TOPBP1: variants seen among roughly 807,000 people sequenced by gnomAD.
TOPBP1 encodes DNA topoisomerase 2-binding protein 1.
In TOPBP1, 28 loss-of-function variants were observed where a neutral mutation model predicts 167.7. The ratio of observed to expected loss-of-function variants is 0.17; its 90% CI spans 0.12 to 0.23. TOPBP1 has a LOEUF of 0.23. Among genes scored for constraint, TOPBP1 ranks in the 10% least tolerant of loss-of-function variants. The probability of loss-of-function intolerance (pLI) is 1.00; values close to 1 mark genes in which losing one functional copy is unlikely to be tolerated. For missense variants in TOPBP1, 1,554 were observed against 1,809.6 expected (o/e 0.86, Z 2.56); for synonymous variants, 598 against 611.4 (o/e 0.98, Z 0.32).
intron 8 of TOPBP1, among the ~76,000 whole-genome samples, chr3:133,651,933 G>T (rs1439999107): frequency 1.3e-5 from 2 of 152,076 alleles, no homozygotes; most frequent in African/African-American, 4.8e-5. Flanking sequence ...ATAGTTTAAA[G>T]TCCAAACCTG....
intron 4 of TOPBP1, among the ~76,000 whole-genome samples, chr3:133,657,193 T>G (rs1330530953): frequency 1.3e-5 from 2 of 150,934 alleles, no homozygotes; most frequent in Non-Finnish European, 3.0e-5. Context: ...AAATATTTAT[T>G]TTTAGCCAGG....
chr3:133,618,396 G>T lies in TOPBP1; in HGVS notation c.3409C>A (p.Pro1137Thr), dbSNP rs368442983. The T allele has an allele frequency of 1.9e-6, 3 of 1,613,906 alleles. No individual in the cohort carries two copies. The highest frequency in any genetic ancestry group is 1.3e-5 in the African/African-American group (1 of 75,040). ...CAAATGATCTGTTCATTTTGGGAAG[G>T]CTCTGTGTTGACATCAGGTACTGTC... ...RQTVPDVNTE[P>T]SQNEQIIWDD... The change falls in exon 21 of 28, where the codon CCT becomes ACT. Residue 1137 changes from proline (P) to threonine (T), a missense_variant. By Grantham distance (38) the Pro-to-Thr change is conservative (BLOSUM62 -1). Around this residue, in one of 3 missense-constraint regions of TOPBP1, gnomAD observed 1,197 missense variants for 1,351.5 expected, o/e 0.89. Coordinates refer to ENST00000260810, the MANE Select transcript of TOPBP1 (RefSeq NM_007027.4).
At chr3:133,614,792 A>G (rs1280397761) in intron 23 of TOPBP1, among the ~76,000 whole-genome samples, 2 of 142,408 alleles carry the variant, frequency 1.4e-5, no homozygotes, top group South Asian at 5.0e-4. Flanking sequence ...TAAAGTTTCT[A>G]AGAAGAAACA....
intron 14 of TOPBP1, among the ~76,000 whole-genome samples, chr3:133,636,546 C>T (rs935756560): frequency 1.3e-5 from 2 of 152,096 alleles, no homozygotes; most frequent in African/African-American, 4.8e-5. Context: ...ACAATAAAAT[C>T]TTTAATGTGT....
chr3:133,613,191 T>C (rs989965800), intron 23 of TOPBP1, among the ~76,000 whole-genome samples: 1 of 152,146 alleles, frequency 6.6e-6, no homozygotes, highest in Non-Finnish European at 1.5e-5. Flanking sequence ...AAATTCTAGA[T>C]ACCATGTTAC....
At chr3:133,654,224 G>T (rs919924152) in intron 6 of TOPBP1, among the ~76,000 whole-genome samples, 1 of 152,158 alleles carries the variant, frequency 6.6e-6, no homozygotes, top group African/African-American at 2.4e-5. Flanking sequence ...TTGTAAATTT[G>T]TGCTATATAA....
At chr3:133,645,243 T>C (rs1323828414) in intron 10 of TOPBP1, among the ~76,000 whole-genome samples, 1 of 152,228 alleles carries the variant, frequency 6.6e-6, no homozygotes, top group Non-Finnish European at 1.5e-5. Flanking sequence ...TTATGACTCC[T>C]ACTAAACATA....
chr3:133,604,582 G>A lies in TOPBP1; in HGVS notation c.4426-3189C>T, dbSNP rs74909686. Among the ~76,000 whole-genome samples, 358 of 151,946 alleles carry A rather than the reference G, an allele frequency of 2.4e-3. 8 individuals are homozygous for A. The highest frequency in any genetic ancestry group is 0.02 in the East Asian group (101 of 5,176). On this transcript the variant is annotated intron_variant, in intron 27 of 27. Coordinates refer to ENST00000260810, the MANE Select transcript of TOPBP1 (RefSeq NM_007027.4). ...TAAAATGAAACAGAAAATAGGAAAAGCGCTGTATCTAGTAAAGAAAATTCG... is the reference window on the plus strand; with the variant it reads ...TAAAATGAAACAGAAAATAGGAAAAACGCTGTATCTAGTAAAGAAAATTCG...
chr3:133,655,982 A>G (rs1936466384), intron 5 of TOPBP1, among the ~76,000 whole-genome samples: 1 of 151,944 alleles, frequency 6.6e-6, no homozygotes, highest in African/African-American at 2.4e-5. Context: ...ATGGAGACAT[A>G]TTTGGGATAT....
Position 133,608,666 on chromosome 3 carries a change from TAAATAA to T in TOPBP1, c.4288_4293del (p.Leu1430_Phe1431del). 1 of 1,613,524 alleles carries T rather than the reference TAAATAA, an allele frequency of 6.2e-7. No individual in the cohort carries two copies. Among genetic ancestry groups the T allele is most frequent in the Non-Finnish European group, 8.5e-7 (1 of 1,179,760 alleles). On this transcript the variant is annotated inframe_deletion, in exon 27 of 28. Coordinates refer to ENST00000260810, the MANE Select transcript of TOPBP1 (RefSeq NM_007027.4). ...TCAGAAAAAAGATGTGTGGCCTCTTTAAATAAAGGTACAGAATGACCAGGTAGCACC... is the reference window on the plus strand; with the variant it reads ...TCAGAAAAAAGATGTGTGGCCTCTTTAGGTACAGAATGACCAGGTAGCACC...
In TOPBP1 at chr3:133,602,475, G is replaced by A. The variant is rs190225513; in HGVS notation, c.4426-1082C>T. On this transcript the variant is annotated intron_variant, in intron 27 of 27. Transcript: ENST00000260810. Reference sequence around the variant, plus strand: ...TGACACTCAAACTGGTATACATGAGGGTAATTATAAAATACCATTTTTTAT... The same window carrying A: ...TGACACTCAAACTGGTATACATGAGAGTAATTATAAAATACCATTTTTTAT... Among the ~76,000 whole-genome samples the A allele has an allele frequency of 4.6e-4, 70 of 152,236 alleles. 1 individual carries two copies. In the East Asian group the frequency reaches 0.013, roughly 28 times the overall value.
chr3:133,639,182 T>C (rs1336002055), intron 13 of TOPBP1, among the ~76,000 whole-genome samples: 3 of 152,172 alleles, frequency 2.0e-5, no homozygotes, highest in African/African-American at 7.2e-5. Flanking sequence ...TGCAGCACTA[T>C]TCACAATAGC....
chr3:133,652,360 A>G (rs1033070701), intron 8 of TOPBP1, 103 bp downstream of exon 8: 28 of 1,263,340 alleles, frequency 2.2e-5, no homozygotes, highest in Middle Eastern at 2.7e-4. Context: ...GAGGGTTTAC[A>G]TAGATAGTAA....
chr3:133,612,277 T>G, intron 24 of TOPBP1, 112 bp downstream of exon 24: 1 of 1,217,406 alleles, frequency 8.2e-7, no homozygotes, highest in Non-Finnish European at 1.2e-6. Context: ...TGATCTCAGG[T>G]GATCCACCCA....
At chr3:133,646,954 T>C (rs1385227968) in intron 10 of TOPBP1, among the ~76,000 whole-genome samples, 2 of 152,190 alleles carry the variant, frequency 1.3e-5, no homozygotes, top group Non-Finnish European at 2.9e-5. Flanking sequence ...AGCTAATGGT[T>C]AGTCAAAATC....
rs1385426382 is a variant in TOPBP1 at position 133,637,862 on chromosome 3, C to A, written c.2520+14G>T. On this transcript the variant is annotated intron_variant, in intron 14 of 27. Coordinates refer to ENST00000260810, the MANE Select transcript of TOPBP1 (RefSeq NM_007027.4). ...AAAACTGTTAACTCTGGGACCACTG[C>A]CTATAAACCTTACCTTCACATCAAA... The A allele has an allele frequency of 1.2e-6, 2 of 1,611,688 alleles. No individual in the cohort carries two copies. Among genetic ancestry groups the A allele is most frequent in the Non-Finnish European group, 1.7e-6 (2 of 1,178,254 alleles).
rs564864195 is a variant in TOPBP1, at chr3:133,652,687, T to G, written c.923-58A>C. Reference sequence around the variant, plus strand: ...AGATAAAATAATCATGATTACATATTGTCTATGGATTAACTTTTCTTACAA... The same window carrying G: ...AGATAAAATAATCATGATTACATATGGTCTATGGATTAACTTTTCTTACAA... On this transcript the variant is annotated intron_variant, in intron 7 of 27. Coordinates refer to ENST00000260810, the MANE Select transcript of TOPBP1 (RefSeq NM_007027.4). 10 of 1,377,614 alleles carry G rather than the reference T, an allele frequency of 7.3e-6. No homozygotes were observed. The African/African-American group carries it at 1.3e-4, about 18-fold the overall frequency. The allele number at this position is 1,377,614 out of a possible 1,614,324, so 85.3% of individuals were successfully genotyped here. A position where few individuals can be genotyped will look rare whatever the true frequency, so the allele number is the denominator to read the frequency against.
chr3:133,628,594 G>T lies in TOPBP1; in HGVS notation c.2660C>A (p.Ala887Asp), dbSNP rs1479919747. Residue 887 changes from alanine (A) to aspartate (D), a missense_variant, in exon 15 of 28, where the codon GCC becomes GAC. By Grantham distance (126) the Ala-to-Asp change is moderately radical. Coordinates refer to ENST00000260810, the MANE Select transcript of TOPBP1 (RefSeq NM_007027.4). ...CTGGGCCTCTTTCAGTTGAGGGCTG[G>T]CAGAAAGAGCGACAGCATTTCGAGA... is the stretch of plus-strand genomic sequence containing the variant. ...NSSRNAVALS[A>D]SPQLKEAQSE... The T allele has an allele frequency of 1.2e-6, 2 of 1,610,998 alleles. No individual in the cohort carries two copies. Among genetic ancestry groups the T allele is most frequent in the African/African-American group, 1.3e-5 (1 of 74,904 alleles).
In TOPBP1 at chr3:133,614,993, TA is replaced by T. The variant is rs1364073298; in HGVS notation, c.3871+1820del. Reference sequence around the variant, plus strand: ...GAGTATAATAATAATAATAAAAAAATAAAAAAAAATAAAGCTGTGAGCTTCA... The same window carrying T: ...GAGTATAATAATAATAATAAAAAAATAAAAAAAATAAAGCTGTGAGCTTCA... On this transcript the variant is annotated intron_variant, in intron 23 of 27. Coordinates refer to ENST00000260810, the MANE Select transcript of TOPBP1 (RefSeq NM_007027.4). Among the ~76,000 whole-genome samples, 101 of 145,148 alleles carry T rather than the reference TA, an allele frequency of 7.0e-4. 1 individual carries two copies. The highest frequency in any genetic ancestry group is 3.5e-3 in the Middle Eastern group (1 of 284).
Sources: gnomAD v4.1 joint callset for allele counts (sites outside exome capture counted in the v4.1 genomes callset) on GRCh38, gnomAD v4.1.1 for gene constraint, gnomAD v4.1.1 regional missense constraint, MANE v1.5 for transcripts, NCBI Gene and HGNC (gene_info 2026-07-23, HGNC 2026-07-21) for gene names.